The following EZR variants were observed in gnomAD, a reference collection of about 807,000 sequenced individuals.
EZR encodes ezrin.
EZR carries 40 observed loss-of-function variants against 74.8 expected under a neutral mutation model. The ratio of observed to expected loss-of-function variants is 0.53; its 90% CI spans 0.42 to 0.70. The LOEUF is 0.70. Among genes scored for constraint, EZR ranks in the 30% least tolerant of loss-of-function variants. The probability of loss-of-function intolerance (pLI) is 0.00; values close to 1 mark genes in which losing one functional copy is unlikely to be tolerated. For synonymous variants in EZR, 341 were observed against 283.3 expected (o/e 1.20, Z -2.05); for missense variants, 678 against 755.8 (o/e 0.90, Z 1.21).
chr6:158,767,822 T>G (rs946949122), intron 12 of EZR, among the ~76,000 whole-genome samples: 4 of 152,184 alleles, frequency 2.6e-5, no homozygotes, highest in African/African-American at 7.2e-5. Flanking sequence ...TAACGGGCTC[T>G]GTTCCTAGCC....
chr6:158,771,058 G>A (rs1278065410), intron 9 of EZR, among the ~76,000 whole-genome samples, 164 bp from the exon 10 acceptor site: 12 of 152,188 alleles, frequency 7.9e-5, no homozygotes, highest in Non-Finnish European at 1.5e-5. Flanking sequence ...CCGCTCCAGG[G>A]CTGACAACAG....
intron 8 of EZR, among the ~76,000 whole-genome samples, chr6:158,774,534 T>C (rs1034961465): frequency 5.9e-5 from 9 of 151,854 alleles, no homozygotes; most frequent in African/African-American, 2.2e-4. Context: ...CCAGCGAATG[T>C]TTCTTTTGCT....
chr6:158,782,858 C>T (rs1315921899), intron 7 of EZR, among the ~76,000 whole-genome samples: 1 of 152,130 alleles, frequency 6.6e-6, no homozygotes, highest in Non-Finnish European at 1.5e-5. Context: ...GGAAACTTGC[C>T]CTCATGAACT....
intron 2 of EZR, among the ~76,000 whole-genome samples, chr6:158,802,000 G>A (rs1777196122): frequency 6.6e-6 from 1 of 152,176 alleles, no homozygotes; most frequent in Non-Finnish European, 1.5e-5. Context: ...GCCACACATG[G>A]ATTGATAATG....
intron 2 of EZR, among the ~76,000 whole-genome samples, chr6:158,813,406 A>C (rs955104520): frequency 4.6e-5 from 7 of 152,236 alleles, no homozygotes; most frequent in African/African-American, 1.7e-4. Context: ...CTGTAAATCC[A>C]CTGACAGGGA....
Position 158,785,566 on chromosome 6 carries a change from G to C in EZR, c.210C>G (p.Val70=). The C allele has an allele frequency of 1.2e-6, 2 of 1,613,992 alleles. No homozygotes were observed. The highest frequency in any genetic ancestry group is 1.7e-6 in the Non-Finnish European group (2 of 1,179,912). Residue 70 remains valine, a synonymous_variant, in exon 5 of 14, where the codon GTC becomes GTG. Coordinates refer to ENST00000367075, the MANE Select transcript of EZR (RefSeq NM_001111077.2). ...KLDKKVSAQE[V]RKENPLQFKF... is the part of the protein sequence containing the mutation. ...TGAACTGGAGGGGATTCTCCTTCCT[G>C]ACCTCCTGGGCAGACACCTGCACGA...
intron 2 of EZR, among the ~76,000 whole-genome samples, chr6:158,816,162 A>G (rs1450731594): frequency 6.6e-6 from 1 of 152,182 alleles, no homozygotes; most frequent in African/African-American, 2.4e-5. Context: ...GTGGTTGCCA[A>G]GGGCTGGTGG....
chr6:158,818,178 G>A lies in EZR; in HGVS notation c.-73-12C>T, dbSNP rs1011113319. The A allele has an allele frequency of 1.8e-5, 27 of 1,515,242 alleles. No homozygotes were observed. The highest frequency in any genetic ancestry group is 4.6e-5 in the South Asian group (4 of 86,298). The allele number at this position is 1,515,242 out of a possible 1,614,324, so 93.9% of individuals were successfully genotyped here. A position where few individuals can be genotyped will look rare whatever the true frequency, so the allele number is the denominator to read the frequency against. On this transcript the variant is annotated splice_polypyrimidine_tract_variant and intron_variant, in intron 1 of 13. Transcript: ENST00000367075. The stretch of plus-strand genomic sequence containing the variant: ...GACGCTGTCCCAACCTGGAGTCAGA[G>A]CAGAACCCTTAGAGCGCCCGCCCGC...
intron 7 of EZR, among the ~76,000 whole-genome samples, chr6:158,777,189 C>T (rs1791303033): frequency 6.6e-6 from 1 of 152,234 alleles, no homozygotes; most frequent in Non-Finnish European, 1.5e-5. Flanking sequence ...CCATCACGTT[C>T]CTAGACGTGC....
At chr6:158,809,042 A>T (rs1405588493) in intron 2 of EZR, among the ~76,000 whole-genome samples, 1 of 152,246 alleles carries the variant, frequency 6.6e-6, no homozygotes, top group Non-Finnish European at 1.5e-5. Context: ...GGCTGTGGTG[A>T]GCTATGATTG....
intron 4 of EZR, among the ~76,000 whole-genome samples, chr6:158,786,008 G>A (rs1238398679): frequency 1.3e-5 from 2 of 151,940 alleles, no homozygotes; most frequent in Non-Finnish European, 2.9e-5. Flanking sequence ...CTATGATGGC[G>A]CCACTGCACT....
chr6:158,804,112 G>A (rs1014765945), intron 2 of EZR, among the ~76,000 whole-genome samples: 6 of 152,090 alleles, frequency 3.9e-5, no homozygotes, highest in Admixed American at 6.6e-5. Context: ...TGCTGATGGC[G>A]TATGAAAATA....
intron 5 of EZR, 28 bp downstream of exon 5, chr6:158,785,281 T>G (rs1791545179): frequency 6.2e-7 from 1 of 1,608,050 alleles, no homozygotes; most frequent in African/African-American, 1.3e-5. Flanking sequence ...TGACTGCTCC[T>G]GCCCAGGCCG....
chr6:158,809,023 G>A (rs1777398689), intron 2 of EZR, among the ~76,000 whole-genome samples: 1 of 152,306 alleles, frequency 6.6e-6, no homozygotes, highest in South Asian at 2.1e-4. Flanking sequence ...CGGTCCCCCA[G>A]GAGTTCAAGG....
rs572264442 is a variant in EZR at position 158,768,747 on chromosome 6, C to T, written c.1344+579G>A. ...AGGTCCTGGGCATGGGACCTCGCAT[C>T]TGCAGAGCAACCTTATGAGTTGGGT... On this transcript the variant is annotated intron_variant, in intron 12 of 13. Coordinates refer to ENST00000367075, the MANE Select transcript of EZR (RefSeq NM_001111077.2). Among the ~76,000 whole-genome samples the T allele has an allele frequency of 4.9e-4, 74 of 152,320 alleles. 1 individual carries two copies. In the South Asian group the frequency reaches 0.014, roughly 29 times the overall value.
At chr6:158,810,065 T>G (rs906882482) in intron 2 of EZR, among the ~76,000 whole-genome samples, 1 of 152,192 alleles carries the variant, frequency 6.6e-6, no homozygotes, top group Non-Finnish European at 1.5e-5. Flanking sequence ...GACTTCTAAC[T>G]TAAAAATATG....
In EZR at chr6:158,765,915, GCAAA is replaced by G. The variant is rs55954930; in HGVS notation, c.*995_*998del. On this transcript the variant is annotated 3_prime_UTR_variant, in exon 14 of 14. Coordinates refer to ENST00000367075, the MANE Select transcript of EZR (RefSeq NM_001111077.2). ...GCCAAGGCCATGGCAGAGAGAGACTGCAAACAAACAAACACAAGCAAACAGAGTC... is the reference window on the plus strand; with the variant it reads ...GCCAAGGCCATGGCAGAGAGAGACTGCAAACAAACACAAGCAAACAGAGTC... 0.53 allele frequency: 79,878 copies of G among 151,686 alleles called. 21,865 individuals carry two copies. The highest frequency in any genetic ancestry group is 0.61 in the Non-Finnish European group (41,447 of 67,812). 9.4% of individuals were successfully genotyped at this position (151,686 alleles called of 1,614,324 possible).
In EZR at chr6:158,783,763, T is replaced by C. The variant is rs1336279621; in HGVS notation, c.552-97A>G. 4 of 1,310,272 alleles carry C rather than the reference T, an allele frequency of 3.1e-6. No homozygotes were observed. In the Admixed American group the frequency reaches 5.7e-5, roughly 19 times the overall value. 81.2% of individuals were successfully genotyped at this position (1,310,272 alleles called of 1,614,324 possible). A position where few individuals can be genotyped will look rare whatever the true frequency, so the allele number is the denominator to read the frequency against. On this transcript the variant is annotated intron_variant, in intron 6 of 13. Coordinates refer to ENST00000367075, the MANE Select transcript of EZR (RefSeq NM_001111077.2). ...TATTTTTAAATTAAGGCGCCTTGTG[T>C]AGGATGGGCTCAATGCTGTGTGCTG...
At position 158,770,885 on chromosome 6, in the gene EZR, C is replaced by T. The variant is rs1289199183; in HGVS notation, c.969G>A (p.Leu323=). The part of the protein sequence containing the change: ...KHQKQLERQQ[L]ETEKKRRETV... ...TTTCTCTCCTTTTCTTCTCTGTTTC[C>T]AGCTGTTGCCTGGTGCAGGGAAAAA... Residue 323 remains leucine, a synonymous_variant, in exon 10 of 14, where the codon CTG becomes CTA. Coordinates refer to ENST00000367075, the MANE Select transcript of EZR (RefSeq NM_001111077.2). 4.3e-6 allele frequency: 7 copies of T among 1,614,196 alleles called. No homozygotes were observed. Among genetic ancestry groups the T allele is most frequent in the African/African-American group, 1.3e-5 (1 of 75,050 alleles).
Sources: gnomAD v4.1 joint callset for allele counts (sites outside exome capture counted in the v4.1 genomes callset) on GRCh38, gnomAD v4.1.1 for gene constraint, MANE v1.5 for transcripts, NCBI Gene and HGNC (gene_info 2026-07-23, HGNC 2026-07-21) for gene names.